TG: variants seen among roughly 807,000 people sequenced by gnomAD.
TG encodes the protein thyroglobulin, also known as thyroid hormones.
TG carries 270 observed loss-of-function variants against 324.7 expected under a neutral mutation model. The observed-to-expected ratio is 0.83, with a 90% CI of 0.75 to 0.92. TG has a LOEUF of 0.92. Among genes scored for constraint, TG ranks in the 40% least tolerant of loss-of-function variants. The pLI, the probability that TG is intolerant of heterozygous loss-of-function variation, is 0.00. For synonymous variants in TG, 1,401 were observed against 1,327.0 expected (o/e 1.06, Z -1.21); for missense variants, 3,591 against 3,456.4 (o/e 1.04, Z -0.98).
chr8:132,998,229 T>G (rs1833065856), intron 35 of TG, among the ~76,000 whole-genome samples: 1 of 152,132 alleles, frequency 6.6e-6, no homozygotes, highest in African/African-American at 2.4e-5. Flanking sequence ...AAGCAGATAT[T>G]GACAGATGGC....
In TG at chr8:133,013,718, CCGACTTCTG is replaced by C; in HGVS notation, c.6518_6526del (p.Arg2173_Leu2175del). On this transcript the variant is annotated inframe_deletion, in exon 37 of 48. Transcript: ENST00000220616. ...CACATAGTCTGCAGGGTCAGAACTGCCGACTTCTGCTTCGTGAAGAGGCCACCCACATCT... is the reference window on the plus strand; with the variant it reads ...CACATAGTCTGCAGGGTCAGAACTGCCTTCGTGAAGAGGCCACCCACATCT... The C allele has an allele frequency of 6.2e-7, 1 of 1,613,602 alleles. No individual in the cohort carries two copies. The highest frequency in any genetic ancestry group is 8.5e-7 in the Non-Finnish European group (1 of 1,180,030).
chr8:133,019,460 C>G, intron 38 of TG, 142 bp from the exon 39 acceptor site: 1 of 682,656 alleles, frequency 1.5e-6, no homozygotes, highest in South Asian at 1.5e-5. Flanking sequence ...CTTTCCACTC[C>G]CATTTCCTGA....
chr8:133,129,167 ACTC>A (rs1346311494), intron 45 of TG, among the ~76,000 whole-genome samples: 1 of 152,102 alleles, frequency 6.6e-6, no homozygotes, highest in Non-Finnish European at 1.5e-5. Flanking sequence ...GCTCAAAATA[ACTC>A]CTGCATCCTG....
rs140083577 is a variant in TG at position 132,982,169 on chromosome 8, A to G, written c.6200-1181A>G. On this transcript the variant is annotated intron_variant, in intron 34 of 47. Transcript: ENST00000220616. The stretch of plus-strand genomic sequence containing the variant: ...CAACCCTATGAGAGGCACTGTTACT[A>G]TGCCCATTTTATAGACAAGGAAACT... 6.8e-4 allele frequency among the ~76,000 whole-genome samples: 103 copies of G among 152,364 alleles called. 1 individual carries two copies. The South Asian group carries it at 7.9e-3, about 12-fold the overall frequency.
chr8:133,119,704 G>A (rs1489764292), intron 45 of TG, among the ~76,000 whole-genome samples: 3 of 152,120 alleles, frequency 2.0e-5, no homozygotes, highest in Non-Finnish European at 2.9e-5. Flanking sequence ...CTGGAGGGAC[G>A]TAAATATTCA....
At chr8:132,989,422 G>A (rs573659876) in intron 35 of TG, among the ~76,000 whole-genome samples, 1 of 152,346 alleles carries the variant, frequency 6.6e-6, no homozygotes, top group East Asian at 1.9e-4. Flanking sequence ...GCCCTTTTGA[G>A]CAATGGGTGC....
chr8:132,974,327 CCAAAGTAGG>C (rs1373066368), intron 34 of TG, among the ~76,000 whole-genome samples: 5 of 152,194 alleles, frequency 3.3e-5, no homozygotes, highest in African/African-American at 1.2e-4. Context: ...AACCCTTTGT[CCAAAGTAGG>C]CAAAGAGAGA....
At chr8:132,869,290 C>A (rs947810659) in intron 2 of TG, among the ~76,000 whole-genome samples, 16 of 152,212 alleles carry the variant, frequency 1.1e-4, no homozygotes, top group African/African-American at 3.6e-4. Context: ...TATGGCCTGG[C>A]CTGACCCCAC....
At chr8:132,896,840 A>G (rs1430651397) in intron 11 of TG, among the ~76,000 whole-genome samples, 1 of 152,182 alleles carries the variant, frequency 6.6e-6, no homozygotes, top group Non-Finnish European at 1.5e-5. Context: ...ATCTAACACA[A>G]TAAATGGGAA....
At position 132,900,727 on chromosome 8, in the gene TG, A is replaced by G. The variant is rs117085257; in HGVS notation, c.3433+388A>G. ...GCAGATGTCCCTCTTCTGCCTAAAC[A>G]CCATAAATGCTCCCATCATCTTCGG... On this transcript the variant is annotated intron_variant, in intron 15 of 47. Transcript: ENST00000220616. Among the ~76,000 whole-genome samples, 270 of 152,192 alleles carry G rather than the reference A, an allele frequency of 1.8e-3. 3 individuals carry two copies. The East Asian group carries it at 0.021, about 12-fold the overall frequency.
intron 34 of TG, among the ~76,000 whole-genome samples, chr8:132,982,781 A>G (rs1009850437): frequency 1.3e-5 from 2 of 152,224 alleles, no homozygotes; most frequent in Non-Finnish European, 2.9e-5. Context: ...TGAGGCCCAG[A>G]AAGCATAAGT....
rs375417785 is a variant in TG at position 133,044,943 on chromosome 8, G to A, written c.7239+14920G>A. ...CGCCACAGAGCAATTAGCTAAGAGG[G>A]GTCCCACCATCACAATCACTCCATA... On this transcript the variant is annotated intron_variant, in intron 41 of 47. Coordinates refer to ENST00000220616, the MANE Select transcript of TG (RefSeq NM_003235.5). 1.3e-5 allele frequency: 21 copies of A among 1,608,890 alleles called. No individual in the cohort carries two copies. In the African/African-American group the frequency reaches 1.9e-4, roughly 14 times the overall value.
At chr8:132,943,529 C>G (rs1441279932) in intron 26 of TG, among the ~76,000 whole-genome samples, 1 of 152,214 alleles carries the variant, frequency 6.6e-6, no homozygotes, top group Non-Finnish European at 1.5e-5. Context: ...CTGCCCTCCT[C>G]CCTGCTCTCC....
Position 132,968,843 on chromosome 8 carries a change from G to GA in TG, c.5864-615_5864-614insA, listed in dbSNP as rs1829034296. Among the ~76,000 whole-genome samples, 4 of 152,160 alleles carry GA rather than the reference G, an allele frequency of 2.6e-5. No individual in the cohort carries two copies. In the South Asian group the frequency reaches 6.2e-4, roughly 24 times the overall value. On this transcript the variant is annotated intron_variant, in intron 31 of 47. Transcript: ENST00000220616. ...CCAAATAAATCTGGAAAATGTCGGG[G>GA]GGACACCTCAATATTCATTATGCAG...
intron 8 of TG, among the ~76,000 whole-genome samples, chr8:132,885,905 C>G (rs180220): frequency 0.15 from 23,337 of 152,130 alleles, 1,993 homozygotes; most frequent in Non-Finnish European, 0.19. Flanking sequence ...TCCCTCCAAT[C>G]TGTGCCTGTG....
chr8:133,131,750 G>A, intron 45 of TG, 62 bp from the exon 46 acceptor site: 1 of 1,603,814 alleles, frequency 6.2e-7, no homozygotes, highest in South Asian at 1.1e-5. Context: ...TTGTGTGTTT[G>A]TGTTTTTGAG....
intron 43 of TG, among the ~76,000 whole-genome samples, chr8:133,097,618 T>C (rs918744000): frequency 2.0e-5 from 3 of 152,214 alleles, no homozygotes; most frequent in Admixed American, 6.5e-5. Context: ...CCTGTATATA[T>C]CTTTATATTT....
rs1554649344 is a variant in TG, at chr8:132,869,816, G to GC, written c.266dup (p.Val90CysfsTer21). The GC allele has an allele frequency of 6.2e-7, 1 of 1,614,006 alleles. No individual in the cohort carries two copies. Among genetic ancestry groups the GC allele is most frequent in the Non-Finnish European group, 8.5e-7 (1 of 1,180,010 alleles). On this transcript the variant is annotated frameshift_variant, in exon 3 of 48. Coordinates refer to ENST00000220616, the MANE Select transcript of TG (RefSeq NM_003235.5). LOFTEE classifies it high-confidence loss of function. ...TGCTGGGCAGCAGGCAGCCAGGACGGCCTGTGGCTTGTAAGTGGGAGTGGG... is the reference window on the plus strand; with the variant it reads ...TGCTGGGCAGCAGGCAGCCAGGACGGCCCTGTGGCTTGTAAGTGGGAGTGGG...
intron 41 of TG, chr8:133,038,587 C>T: frequency 1.2e-6 from 2 of 1,614,146 alleles, no homozygotes; most frequent in Non-Finnish European, 1.7e-6. Context: ...CACCATACAT[C>T]AGGGAGATGC....
Sources: gnomAD v4.1 joint callset for allele counts (sites outside exome capture counted in the v4.1 genomes callset) on GRCh38, gnomAD v4.1.1 for gene constraint, MANE v1.5 for transcripts, NCBI Gene and HGNC (gene_info 2026-07-23, HGNC 2026-07-21) for gene names.